Variants in CCDC83 observed in about 807,000 individuals in gnomAD.
CCDC83 encodes the protein coiled-coil domain-containing protein 83.
CCDC83 carries 54 observed loss-of-function variants against 50.1 expected under a neutral mutation model. The ratio of observed to expected loss-of-function variants is 1.08; its 90% CI spans 0.87 to 1.35. The LOEUF is 1.35. Ranked by LOEUF, CCDC83 falls within the 40% of genes most tolerant of loss-of-function variation. The pLI, the probability that CCDC83 is intolerant of heterozygous loss-of-function variation, is 0.00. For synonymous variants in CCDC83, 161 were observed against 153.3 expected, an observed-to-expected ratio of 1.05 and a Z score of -0.37; for missense variants, 518 against 473.9, an observed-to-expected ratio of 1.09 and a Z score of -0.86.
chr11:85,918,588 CA>C (rs1320134473), intron 10 of CCDC83, among the ~76,000 whole-genome samples: 2 of 151,970 alleles, frequency 1.3e-5, no homozygotes, highest in African/African-American at 4.8e-5. Flanking sequence ...ATTTGTAAAC[CA>C]AAAGCTATCT....
chr11:85,890,064 G>A (rs975441676), intron 5 of CCDC83, among the ~76,000 whole-genome samples: 5 of 152,168 alleles, frequency 3.3e-5, no homozygotes, highest in Admixed American at 6.6e-5. Flanking sequence ...TTCCCCCACC[G>A]AGGAGCAGGT....
At chr11:85,910,888 T>G (rs1299972027) in intron 7 of CCDC83, among the ~76,000 whole-genome samples, 2 of 152,146 alleles carry the variant, frequency 1.3e-5, no homozygotes, top group Non-Finnish European at 2.9e-5. Flanking sequence ...TTAATAGAAC[T>G]TGGCCAGTCA....
intron 4 of CCDC83, 111 bp from the exon 5 acceptor site, chr11:85,886,089 T>C: frequency 1.4e-6 from 1 of 728,936 alleles, no homozygotes. Context: ...TAAAATAGTA[T>C]TTATGAGTTA....
chr11:85,909,268 G>C (rs2093441091), intron 7 of CCDC83, among the ~76,000 whole-genome samples: 4 of 152,108 alleles, frequency 2.6e-5, no homozygotes, highest in Admixed American at 6.5e-5. Context: ...CTCCTTCTAA[G>C]TACCCATCTC....
chr11:85,873,807 G>A (rs1333690474), intron 3 of CCDC83, among the ~76,000 whole-genome samples: 1 of 152,104 alleles, frequency 6.6e-6, no homozygotes, highest in Non-Finnish European at 1.5e-5. Flanking sequence ...TGACTATCGG[G>A]ACTAAAGATC....
At chr11:85,862,656 TG>T (rs1206751155) in intron 1 of CCDC83, among the ~76,000 whole-genome samples, 2 of 152,206 alleles carry the variant, frequency 1.3e-5, no homozygotes, top group African/African-American at 4.8e-5. Context: ...GGAAGATAAT[TG>T]CTTTTACTTT....
Position 85,886,331 on chromosome 11 carries a change from A to G in CCDC83, c.475A>G (p.Ile159Val), listed in dbSNP as rs1308674701. ...AKLITSLQND[I>V]NTVKENAEKM... ...ACTCATTACCTCCTTACAAAATGAC[A>G]TCAACACAGTTAAAGAGAATGCAGA... is the stretch of plus-strand genomic sequence containing the variant. The change falls in exon 5 of 11, where the codon ATC becomes GTC. Residue 159 changes from isoleucine (I) to valine (V), a missense_variant. Coordinates refer to ENST00000342404, the MANE Select transcript of CCDC83 (RefSeq NM_001286159.2). 1.9e-6 allele frequency: 3 copies of G among 1,607,596 alleles called. No individual in the cohort carries two copies. Among genetic ancestry groups the G allele is most frequent in the Admixed American group, 1.7e-5 (1 of 58,154 alleles).
chr11:85,882,425 C>T, intron 3 of CCDC83, 88 bp from the exon 4 acceptor site: 13 of 1,337,884 alleles, frequency 9.7e-6, no homozygotes, highest in Non-Finnish European at 1.3e-5. Context: ...CTGTGATACC[C>T]AAAGGCCGGG....
At chr11:85,917,279 GAAGGAAGGA>G (rs2093486740) in intron 10 of CCDC83, among the ~76,000 whole-genome samples, 3 of 76,024 alleles carry the variant, frequency 3.9e-5, no homozygotes, top group Non-Finnish European at 9.6e-5. Context: ...AGGAAGGAAA[GAAGGAAGGA>G]AAGAAAGAAA....
chr11:85,856,519 G>A (rs933165612), intron 1 of CCDC83, among the ~76,000 whole-genome samples: 1 of 152,190 alleles, frequency 6.6e-6, no homozygotes, highest in Admixed American at 6.5e-5. Flanking sequence ...ATATACTGCA[G>A]TTCAAACTAT....
At chr11:85,898,904 C>A in intron 6 of CCDC83, 43 bp from the exon 7 acceptor site, 1 of 1,303,172 alleles carries the variant, frequency 7.7e-7, no homozygotes, top group South Asian at 1.2e-5. Context: ...AATTGTGAAT[C>A]AGCATGTGGC....
At chr11:85,866,411 G>T (rs1041302482) in intron 2 of CCDC83, among the ~76,000 whole-genome samples, 3 of 152,178 alleles carry the variant, frequency 2.0e-5, no homozygotes, top group Admixed American at 2.0e-4. Flanking sequence ...ATGACAGGGT[G>T]GTATGGTGGC....
rs537476854 is a variant in CCDC83, at chr11:85,908,492, G to A, written c.673-2789G>A. Among the ~76,000 whole-genome samples the A allele has an allele frequency of 2.6e-5, 4 of 151,890 alleles. No individual in the cohort carries two copies. In the East Asian group the frequency reaches 7.8e-4, roughly 29 times the overall value. On this transcript the variant is annotated intron_variant, in intron 7 of 10. Coordinates refer to ENST00000342404, the MANE Select transcript of CCDC83 (RefSeq NM_001286159.2). ...CTTGAACCTGGGAGGTGGAGGCTGT[G>A]GTCAGCCAAGATCACGCCACTGCAT...
At chr11:85,912,047 C>G (rs1047001983) in intron 8 of CCDC83, among the ~76,000 whole-genome samples, 1 of 151,890 alleles carries the variant, frequency 6.6e-6, no homozygotes, top group South Asian at 2.1e-4. Context: ...CAAAATGGCA[C>G]TCATAATTTA....
chr11:85,860,365 A>G (rs1214438871), intron 1 of CCDC83, among the ~76,000 whole-genome samples: 1 of 152,080 alleles, frequency 6.6e-6, no homozygotes, highest in East Asian at 1.9e-4. Context: ...AAGAAAACAT[A>G]CATGTGGCCA....
chr11:85,916,527 C>A (rs1286352788), intron 10 of CCDC83: 4 of 336,576 alleles, frequency 1.2e-5, no homozygotes, highest in African/African-American at 8.9e-5. Context: ...ACTATTTATT[C>A]TCGCTTAGGG....
chr11:85,873,405 C>G, intron 3 of CCDC83, 110 bp downstream of exon 3: 1 of 475,326 alleles, frequency 2.1e-6, no homozygotes, highest in Non-Finnish European at 3.8e-6. Context: ...TTCTTCAAAG[C>G]TTGGAATTGA....
At chr11:85,874,693 C>T (rs1252307959) in intron 3 of CCDC83, among the ~76,000 whole-genome samples, 1 of 152,154 alleles carries the variant, frequency 6.6e-6, no homozygotes, top group Non-Finnish European at 1.5e-5. Flanking sequence ...AAACCAGGTC[C>T]ATTCTTTCAT....
chr11:85,909,653 C>T (rs928515747), intron 7 of CCDC83, among the ~76,000 whole-genome samples: 20 of 88,916 alleles, frequency 2.2e-4, no homozygotes, highest in African/African-American at 5.8e-4. Flanking sequence ...GACGGAGTCT[C>T]GCTCTGTTGC....
Sources: gnomAD v4.1 joint callset for allele counts (sites outside exome capture counted in the v4.1 genomes callset) on GRCh38, gnomAD v4.1.1 for gene constraint, MANE v1.5 for transcripts, NCBI Gene and HGNC (gene_info 2026-07-23, HGNC 2026-07-21) for gene names.